GABRB3: variants seen among roughly 807,000 people sequenced by gnomAD.
The protein encoded by GABRB3 is gamma-aminobutyric acid receptor subunit beta-3.
GABRB3 carries 14 observed loss-of-function variants against 52.1 expected under a neutral mutation model. That is an observed-to-expected ratio of 0.27 (90% CI 0.18 to 0.42). GABRB3 has a LOEUF of 0.42. Among genes scored for constraint, GABRB3 ranks in the 10% least tolerant of loss-of-function variants. The probability of loss-of-function intolerance (pLI) is 1.00; values close to 1 mark genes in which losing one functional copy is unlikely to be tolerated. For synonymous variants in GABRB3, 260 were observed against 232.3 expected (o/e 1.12, Z -1.08); for missense variants, 307 against 609.1 (o/e 0.50, Z 5.22).
intron 3 of GABRB3, among the ~76,000 whole-genome samples, chr15:26,683,812 G>A (rs1888316550): frequency 6.6e-6 from 1 of 152,128 alleles, no homozygotes; most frequent in South Asian, 2.1e-4. Flanking sequence ...GTGGGGACCT[G>A]GCTTGTGGAA....
chr15:26,772,498 G>A (rs1295891878), intron 2 of GABRB3, 29 bp from the exon 3 acceptor site: 1 of 1,604,504 alleles, frequency 6.2e-7, no homozygotes, highest in African/African-American at 1.3e-5. Flanking sequence ...ACGGCGATCA[G>A]CCCAGCTCCG....
chr15:26,666,362 G>T (rs1460439540), intron 3 of GABRB3: 3 of 152,156 alleles, frequency 2.0e-5, no homozygotes, highest in Non-Finnish European at 4.4e-5. Flanking sequence ...AAAGTAATTT[G>T]TCAGAGGTAA....
chr15:26,596,844 A>G (rs1282371850), intron 4 of GABRB3, among the ~76,000 whole-genome samples: 1 of 152,200 alleles, frequency 6.6e-6, no homozygotes, highest in Non-Finnish European at 1.5e-5. Context: ...TTTATAAGAA[A>G]TGAAATTTCT....
intron 2 of GABRB3, 64 bp downstream of exon 2, chr15:26,772,617 C>A (rs1891182244): frequency 6.8e-7 from 1 of 1,471,138 alleles, no homozygotes; most frequent in East Asian, 2.8e-5. Context: ...CCCCGCCTCC[C>A]TCCGCCCAGG....
intron 8 of GABRB3, among the ~76,000 whole-genome samples, chr15:26,551,432 T>C (rs11853694): frequency 0.098 from 14,861 of 152,168 alleles, 2,473 homozygotes; most frequent in African/African-American, 0.34. Flanking sequence ...CAACATATCT[T>C]GAGGTTTTCC....
At chr15:26,734,455 G>A (rs529654707) in intron 3 of GABRB3, among the ~76,000 whole-genome samples, 307 of 151,990 alleles carry the variant, frequency 2.0e-3, no homozygotes, top group Middle Eastern at 3.4e-3. Context: ...CAAACTGAAT[G>A]TAATCAAAAT....
At chr15:26,653,702 C>T (rs1467474932) in intron 3 of GABRB3, among the ~76,000 whole-genome samples, 1 of 152,196 alleles carries the variant, frequency 6.6e-6, no homozygotes, top group Non-Finnish European at 1.5e-5. Flanking sequence ...TGGGTGGTTA[C>T]AGTTAGGTCA....
chr15:26,757,682 A>G (rs1890700445), intron 3 of GABRB3, among the ~76,000 whole-genome samples: 1 of 152,258 alleles, frequency 6.6e-6, no homozygotes, highest in South Asian at 2.1e-4. Context: ...GTCATAGCAG[A>G]GAATACCAGA....
At chr15:26,650,477 G>A (rs1019049921) in intron 3 of GABRB3, among the ~76,000 whole-genome samples, 2 of 152,052 alleles carry the variant, frequency 1.3e-5, no homozygotes, top group Admixed American at 1.3e-4. Flanking sequence ...TCTGACCTCA[G>A]AAGTAAATGG....
intron 3 of GABRB3, among the ~76,000 whole-genome samples, chr15:26,702,315 T>C (rs1267101522): frequency 1.3e-5 from 2 of 152,180 alleles, no homozygotes; most frequent in Non-Finnish European, 2.9e-5. Flanking sequence ...AATATTTGTA[T>C]AGCGTATATC....
At chr15:26,606,402 G>A (rs1477674174) in intron 4 of GABRB3, among the ~76,000 whole-genome samples, 1 of 151,936 alleles carries the variant, frequency 6.6e-6, no homozygotes, top group Non-Finnish European at 1.5e-5. Context: ...AATATCTCAT[G>A]TATCCCATGA....
chr15:26,599,351 T>C (rs1298691214), intron 4 of GABRB3, among the ~76,000 whole-genome samples: 1 of 152,096 alleles, frequency 6.6e-6, no homozygotes, highest in African/African-American at 2.4e-5. Flanking sequence ...AAAAAGGTGA[T>C]TCCACATCAG....
chr15:26,594,861 C>A (rs923798916), intron 4 of GABRB3, among the ~76,000 whole-genome samples: 5 of 152,088 alleles, frequency 3.3e-5, no homozygotes, highest in Admixed American at 3.3e-4. Context: ...CTGAAACAAA[C>A]GAAGAAAAAA....
intron 3 of GABRB3, among the ~76,000 whole-genome samples, chr15:26,744,418 A>G (rs2140164111): frequency 8.2e-6 from 1 of 121,828 alleles, no homozygotes; most frequent in East Asian, 3.1e-4. Flanking sequence ...TAACTCATCA[A>G]CAATAACAGA....
chr15:26,592,248 G>C (rs979534005), intron 4 of GABRB3, among the ~76,000 whole-genome samples: 1 of 152,114 alleles, frequency 6.6e-6, no homozygotes, highest in African/African-American at 2.4e-5. Flanking sequence ...ACAATTAGGC[G>C]TAACAAATGG....
intron 3 of GABRB3, among the ~76,000 whole-genome samples, chr15:26,693,634 C>T (rs1052636519): frequency 6.6e-6 from 1 of 152,138 alleles, no homozygotes; most frequent in Non-Finnish European, 1.5e-5. Flanking sequence ...CAAAACAAAA[C>T]AACTCTTATT....
chr15:26,740,420 A>C (rs1890172249), intron 3 of GABRB3, among the ~76,000 whole-genome samples: 1 of 152,024 alleles, frequency 6.6e-6, no homozygotes, highest in Non-Finnish European at 1.5e-5. Flanking sequence ...GGATACCGCC[A>C]AGCAGATGAC....
chr15:26,579,361 G>A (rs1890707291), intron 6 of GABRB3, among the ~76,000 whole-genome samples: 1 of 152,172 alleles, frequency 6.6e-6, no homozygotes, highest in African/African-American at 2.4e-5. Flanking sequence ...GCTGTGCCGG[G>A]TCAAGCAGGT....
chr15:26,571,455 C>T (rs892838091), intron 6 of GABRB3, among the ~76,000 whole-genome samples: 4 of 152,158 alleles, frequency 2.6e-5, no homozygotes, highest in East Asian at 1.9e-4. Flanking sequence ...AATGTTTAAT[C>T]GTCTCCCAGA....
Sources: gnomAD v4.1 joint callset for allele counts (sites outside exome capture counted in the v4.1 genomes callset) on GRCh38, gnomAD v4.1.1 for gene constraint, MANE v1.5 for transcripts, NCBI Gene and HGNC (gene_info 2026-07-23, HGNC 2026-07-21) for gene names.